Variants in TEKT5 observed in about 807,000 individuals in gnomAD.
TEKT5 encodes the protein tektin-5.
A neutral mutation model predicts 48.7 loss-of-function variants in TEKT5; 52 were observed. That is an observed-to-expected ratio of 1.07 (90% CI 0.86 to 1.35). The LOEUF is 1.35. Ranked by LOEUF, TEKT5 falls within the 40% of genes most tolerant of loss-of-function variation. The pLI, the probability that TEKT5 is intolerant of heterozygous loss-of-function variation, is 0.00. For synonymous variants in TEKT5, 318 were observed against 267.6 expected (o/e 1.19, Z -1.84); for missense variants, 831 against 641.6 (o/e 1.30, Z -3.19).
rs746813780 is a variant in TEKT5 at position 10,676,009 on chromosome 16, T to C, written c.1036A>G (p.Ile346Val). The change falls in exon 5 of 7, where the codon ATC becomes GTC. Residue 346 changes from isoleucine (I) to valine (V), a missense_variant. Physicochemically the swap from Ile to Val is conservative, Grantham distance 29 (BLOSUM62 3). Transcript: ENST00000283025. ...TTCTTCACATCCGTCACCTCAGAGA[T>C]GCGGGCGTTGAAGGCCAGGTTGGTG... ...TDTNLAFNAR[I>V]SEVTDVKNKL... The C allele has an allele frequency of 2.5e-6, 4 of 1,614,204 alleles. No individual in the cohort carries two copies. The highest frequency in any genetic ancestry group is 3.4e-6 in the Non-Finnish European group (4 of 1,180,044).
intron 3 of TEKT5, 93 bp downstream of exon 3, chr16:10,689,160 G>A: frequency 3.1e-6 from 3 of 966,962 alleles, no homozygotes; most frequent in South Asian, 1.6e-5. Context: ...ACCACCCAGA[G>A]ACAAGTGGGC....
rs1567222422 is a variant in TEKT5 at position 10,627,813 on chromosome 16, AGAG to A, written c.1242-17_1242-15del. 3 of 1,610,346 alleles carry A rather than the reference AGAG, an allele frequency of 1.9e-6. No individual in the cohort carries two copies. Among genetic ancestry groups the A allele is most frequent in the East Asian group, 2.2e-5 (1 of 44,844 alleles). On this transcript the variant is annotated splice_polypyrimidine_tract_variant and intron_variant, in intron 6 of 6. Coordinates refer to ENST00000283025, the MANE Select transcript of TEKT5 (RefSeq NM_144674.2). ...TCGTTCACCAGCCTGGGGTGAGGGC[AGAG>A]GAGAAGGCACAGGTTATTCATTTAT...
intron 5 of TEKT5, among the ~76,000 whole-genome samples, chr16:10,658,194 G>A (rs965290155): frequency 6.6e-6 from 1 of 152,156 alleles, no homozygotes; most frequent in Non-Finnish European, 1.5e-5. Context: ...GTCAACCTCT[G>A]AAAAGCCGTT....
At chr16:10,639,571 C>T (rs1050788002) in intron 5 of TEKT5, among the ~76,000 whole-genome samples, 12 of 152,212 alleles carry the variant, frequency 7.9e-5, no homozygotes, top group African/African-American at 2.9e-4. Context: ...ACTGCATGTG[C>T]AGCTTTCCAA....
intron 5 of TEKT5, among the ~76,000 whole-genome samples, chr16:10,648,277 A>G (rs1442797702): frequency 1.3e-5 from 2 of 152,038 alleles, no homozygotes; most frequent in Non-Finnish European, 2.9e-5. Flanking sequence ...AACCAATCCT[A>G]TGCAGAAGGT....
At chr16:10,627,892 G>C (rs1435958295) in intron 6 of TEKT5, 93 bp from the exon 7 acceptor site, 2 of 1,220,046 alleles carry the variant, frequency 1.6e-6, no homozygotes, top group Non-Finnish European at 2.3e-6. Flanking sequence ...ACCCAGGCTG[G>C]AGTGCAGTGG....
chr16:10,662,706 G>C (rs1245289349), intron 5 of TEKT5, among the ~76,000 whole-genome samples: 1 of 152,158 alleles, frequency 6.6e-6, no homozygotes, highest in Non-Finnish European at 1.5e-5. Flanking sequence ...ACTGGCCCCA[G>C]CCAGTTGCAC....
intron 5 of TEKT5, among the ~76,000 whole-genome samples, chr16:10,636,502 T>G (rs1201269698): frequency 1.3e-5 from 2 of 151,940 alleles, no homozygotes; most frequent in Non-Finnish European, 2.9e-5. Flanking sequence ...CAATAGCCAT[T>G]AGAGTTGCCA....
chr16:10,665,492 T>C (rs2142290764), intron 5 of TEKT5, among the ~76,000 whole-genome samples: 1 of 152,316 alleles, frequency 6.6e-6, no homozygotes, highest in South Asian at 2.1e-4. Context: ...GTGTTCGTTC[T>C]CTCCATCTCC....
At chr16:10,673,977 T>A (rs1255214456) in intron 5 of TEKT5, among the ~76,000 whole-genome samples, 1 of 151,982 alleles carries the variant, frequency 6.6e-6, no homozygotes, top group Non-Finnish European at 1.5e-5. Flanking sequence ...AACCTCTGCG[T>A]CCCTTCTGCC....
rs1207516199 is a variant in TEKT5 at position 10,635,768 on chromosome 16, A to G, written c.1237T>C (p.Leu413=). 1 of 1,611,216 alleles carries G rather than the reference A, an allele frequency of 6.2e-7. No individual in the cohort carries two copies. Among genetic ancestry groups the G allele is most frequent in the East Asian group, 2.2e-5 (1 of 44,734 alleles). ...NMELCRDIPQ[L]KLVNEVFTID... is the part of the protein sequence containing the mutation. ...CCTCTGGCCTCCCTCACTTACTTCA[A>G]CTGCGGGATGTCCCTGCACAGCTCC... The change falls in exon 6 of 7, where the codon TTG becomes CTG. Residue 413 remains leucine (L), a synonymous_variant. Transcript: ENST00000283025.
intron 5 of TEKT5, among the ~76,000 whole-genome samples, chr16:10,653,148 G>C (rs1356756992): frequency 6.6e-6 from 1 of 152,228 alleles, no homozygotes; most frequent in African/African-American, 2.4e-5. Context: ...GCATATCCTA[G>C]TGGCTGGGCA....
Position 10,676,086 on chromosome 16 carries a change from G to A in TEKT5, c.959C>T (p.Ala320Val), listed in dbSNP as rs78451460. The A allele has an allele frequency of 0.023, 37,047 of 1,614,194 alleles. 516 individuals are homozygous for A. Among genetic ancestry groups the A allele is most frequent in the Non-Finnish European group, 0.027 (31,458 of 1,180,032 alleles). ...CGACAAGGTCTCAAAGAGGTGCTCC[G>A]CCTCCTCCCGCAGCTGGATGGAGTT... ...RANSIQLREE[A>V]EHLFETLSDQ... The change falls in exon 5 of 7, where the codon GCG becomes GTG. Residue 320 changes from alanine to valine, a missense_variant. Transcript: ENST00000283025.
At chr16:10,663,919 C>T (rs1189143481) in intron 5 of TEKT5, among the ~76,000 whole-genome samples, 2 of 152,176 alleles carry the variant, frequency 1.3e-5, no homozygotes, top group East Asian at 1.9e-4. Flanking sequence ...CAGCTGCTTT[C>T]GGAATATGTC....
chr16:10,653,738 C>A (rs1466422139), intron 5 of TEKT5, among the ~76,000 whole-genome samples: 1 of 152,044 alleles, frequency 6.6e-6, no homozygotes, highest in Non-Finnish European at 1.5e-5. Flanking sequence ...CATGGTGAAA[C>A]CCCGTCTCTA....
chr16:10,672,809 G>T (rs148351590), intron 5 of TEKT5, among the ~76,000 whole-genome samples: 108 of 151,506 alleles, frequency 7.1e-4, no homozygotes, highest in African/African-American at 2.6e-3. Flanking sequence ...TGTTATGCCT[G>T]CATTAACTCA....
chr16:10,657,708 GCCT>G (rs1302720194), intron 5 of TEKT5, among the ~76,000 whole-genome samples: 1 of 150,760 alleles, frequency 6.6e-6, no homozygotes, highest in Non-Finnish European at 1.5e-5. Flanking sequence ...TCCTGCCTCA[GCCT>G]CCTGAGTAGC....
chr16:10,649,792 G>T (rs537830686), intron 5 of TEKT5, among the ~76,000 whole-genome samples: 112 of 152,256 alleles, frequency 7.4e-4, no homozygotes, highest in African/African-American at 2.7e-3. Flanking sequence ...ATCAGTAATG[G>T]TCCAGGTGGC....
Position 10,643,471 on chromosome 16 carries a change from T to A in TEKT5, c.1087-7553A>T, listed in dbSNP as rs61064715. 4.9e-3 allele frequency among the ~76,000 whole-genome samples: 752 copies of A among 152,280 alleles called. 6 individuals carry two copies. The highest frequency in any genetic ancestry group is 0.017 in the African/African-American group (727 of 41,578). On this transcript the variant is annotated intron_variant, in intron 5 of 6. Transcript: ENST00000283025. ...ACTAATACACTGTGTTTTAAAACAA[T>A]GAGGCCAGCTCTTCACATACTATTC...
Sources: gnomAD v4.1 joint callset for allele counts (sites outside exome capture counted in the v4.1 genomes callset) on GRCh38, gnomAD v4.1.1 for gene constraint, MANE v1.5 for transcripts, NCBI Gene and HGNC (gene_info 2026-07-23, HGNC 2026-07-21) for gene names.